FER1L6: variants seen among roughly 807,000 people sequenced by gnomAD.
FER1L6 encodes fer-1-like protein 6.
A neutral mutation model predicts 219.2 loss-of-function variants in FER1L6; 177 were observed. The observed-to-expected ratio is 0.81, with a 90% confidence interval of 0.71 to 0.91. FER1L6 has a LOEUF of 0.91. Among genes scored for constraint, FER1L6 ranks in the 40% least tolerant of loss-of-function variants. The probability of loss-of-function intolerance (pLI) is 0.00; values close to 1 mark genes in which losing one functional copy is unlikely to be tolerated. For missense variants in FER1L6, 2,153 were observed against 2,259.9 expected (o/e 0.95, Z 0.96); for synonymous variants, 768 against 824.3 (o/e 0.93, Z 1.17).
intron 15 of FER1L6, among the ~76,000 whole-genome samples, chr8:124,014,114 G>A (rs1354448064): frequency 2.0e-5 from 3 of 152,134 alleles, no homozygotes; most frequent in Non-Finnish European, 1.5e-5. Context: ...ATGTATTAAC[G>A]TGCACAGGGG....
At chr8:124,070,736 A>G (rs918454102) in intron 30 of FER1L6, 138 bp downstream of exon 30, 13 of 692,308 alleles carry the variant, frequency 1.9e-5, no homozygotes, top group Admixed American at 3.2e-5. Flanking sequence ...CCTCTCTAGA[A>G]CTCCACAAAA....
At chr8:124,052,332 A>AT (rs1820084466) in intron 22 of FER1L6, among the ~76,000 whole-genome samples, 1 of 152,178 alleles carries the variant, frequency 6.6e-6, no homozygotes, top group Non-Finnish European at 1.5e-5. Flanking sequence ...TGTGTCTCGA[A>AT]TATCTCTCAA....
At chr8:124,046,110 T>TGAC (rs1242842209) in intron 21 of FER1L6, 12 of 504,306 alleles carry the variant, frequency 2.4e-5, no homozygotes, top group African/African-American at 1.1e-4. Context: ...AGTTTTTCAC[T>TGAC]GACTTCCATT....
At chr8:124,117,042 A>G (rs921334811) in intron 39 of FER1L6, among the ~76,000 whole-genome samples, 3 of 152,216 alleles carry the variant, frequency 2.0e-5, no homozygotes, top group Admixed American at 2.0e-4. Context: ...CTCATGTTAG[A>G]GCTAGGCAGG....
intron 39 of FER1L6, among the ~76,000 whole-genome samples, chr8:124,110,257 TA>T (rs1335992660): frequency 1.3e-5 from 2 of 152,186 alleles, no homozygotes; most frequent in Admixed American, 1.3e-4. Context: ...ATTTATCTGC[TA>T]AAACCCCCTG....
At position 124,082,337 on chromosome 8, in the gene FER1L6, C is replaced by T. The variant is rs148642324; in HGVS notation, c.4270C>T (p.Leu1424=). The change falls in exon 33 of 41, where the codon CTG becomes TTG. Residue 1424 remains leucine (L), a synonymous_variant. Coordinates refer to ENST00000522917, the MANE Select transcript of FER1L6 (RefSeq NM_001039112.2). The part of the protein sequence containing the change: ...TFPKESLLSI[L]IYDHDMIGTD... ...CCCAAAAGAGTCCCTGCTCTCCATC[C>T]TGATCTATGACCATGACATGATTGG... The T allele has an allele frequency of 2.5e-4, 411 of 1,613,836 alleles. 2 individuals carry two copies. The African/African-American group carries it at 5.2e-3, about 21-fold the overall frequency.
At chr8:124,027,030 C>T (rs534234516) in intron 18 of FER1L6, among the ~76,000 whole-genome samples, 2 of 152,108 alleles carry the variant, frequency 1.3e-5, no homozygotes. Context: ...ACTAGAATGG[C>T]GCCAATCTCC....
chr8:124,071,754 T>C, intron 31 of FER1L6, 123 bp downstream of exon 31: 1 of 1,248,318 alleles, frequency 8.0e-7, no homozygotes, highest in Non-Finnish European at 1.1e-6. Flanking sequence ...TTGAATGCCA[T>C]AAGTCTATAA....
intron 1 of FER1L6, among the ~76,000 whole-genome samples, chr8:123,912,308 G>A (rs1412653334): frequency 6.6e-6 from 1 of 151,992 alleles, no homozygotes; most frequent in Non-Finnish European, 1.5e-5. Flanking sequence ...AGCCTACTAA[G>A]TATTGTAAGA....
chr8:123,902,223 T>C (rs1196795411), intron 1 of FER1L6, among the ~76,000 whole-genome samples: 1 of 152,240 alleles, frequency 6.6e-6, no homozygotes, highest in African/African-American at 2.4e-5. Context: ...TTTTATGGCC[T>C]ATCACATGGT....
At chr8:124,082,821 C>A (rs1821617742) in intron 33 of FER1L6, among the ~76,000 whole-genome samples, 1 of 152,196 alleles carries the variant, frequency 6.6e-6, no homozygotes, top group Non-Finnish European at 1.5e-5. Flanking sequence ...CTAATTATAA[C>A]ACTCATGTAC....
chr8:123,859,023 C>T (rs954649146), intron 1 of FER1L6, among the ~76,000 whole-genome samples: 3 of 151,070 alleles, frequency 2.0e-5, no homozygotes, highest in African/African-American at 4.9e-5. Context: ...TTTTTTGAGA[C>T]GGAGTCTCAT....
intron 1 of FER1L6, among the ~76,000 whole-genome samples, chr8:123,934,877 C>T (rs141363130): frequency 3.3e-5 from 5 of 152,250 alleles, no homozygotes; most frequent in African/African-American, 1.2e-4. Context: ...TGGCACTTAA[C>T]CCCTTGCACT....
At chr8:123,983,385 G>A (rs944170083) in intron 11 of FER1L6, among the ~76,000 whole-genome samples, 27 of 152,162 alleles carry the variant, frequency 1.8e-4, no homozygotes, top group African/African-American at 5.8e-4. Flanking sequence ...AAAATTCTGT[G>A]AACACACTGA....
chr8:123,899,825 C>T (rs950371432), intron 1 of FER1L6, among the ~76,000 whole-genome samples: 13 of 151,950 alleles, frequency 8.6e-5, no homozygotes, highest in Admixed American at 6.6e-4. Flanking sequence ...GGTTTATTTC[C>T]GAGTTCTCTA....
intron 5 of FER1L6, among the ~76,000 whole-genome samples, chr8:123,969,361 A>G (rs1815694418): frequency 6.6e-6 from 1 of 152,172 alleles, no homozygotes; most frequent in South Asian, 2.1e-4. Flanking sequence ...AATCCTGGGA[A>G]AAGTAGATTT....
At chr8:123,975,876 T>C (rs1816046475) in intron 8 of FER1L6, 22 bp from the exon 9 acceptor site, 5 of 1,516,416 alleles carry the variant, frequency 3.3e-6, no homozygotes, top group Non-Finnish European at 4.4e-6. Context: ...AGCTTTTTCA[T>C]TTGTTTTTGT....
At chr8:124,052,947 A>AAAG (rs1563768187) in intron 22 of FER1L6, among the ~76,000 whole-genome samples, 1 of 152,200 alleles carries the variant, frequency 6.6e-6, no homozygotes, top group Non-Finnish European at 1.5e-5. Flanking sequence ...TTTAAAAATA[A>AAAG]AAGTGTCGAA....
intron 14 of FER1L6, among the ~76,000 whole-genome samples, chr8:124,013,006 C>A (rs369795862): frequency 1.1e-4 from 17 of 151,934 alleles, no homozygotes; most frequent in African/African-American, 3.9e-4. Context: ...CCTTTAATTT[C>A]AGGGATTATT....
Sources: allele counts gnomAD v4.1 joint callset (sites outside exome capture counted in the v4.1 genomes callset), GRCh38; gene constraint gnomAD v4.1.1; transcripts MANE v1.5; gene names NCBI Gene and HGNC (gene_info 2026-07-23, HGNC 2026-07-21).